DPYD: variants seen among roughly 807,000 people sequenced by gnomAD.
DPYD encodes dihydropyrimidine dehydrogenase [NADP(+)].
DPYD carries 109 observed loss-of-function variants against 116.2 expected under a neutral mutation model. The observed-to-expected ratio is 0.94, with a 90% CI of 0.80 to 1.10. The LOEUF is 1.10. Ranked by LOEUF, DPYD falls within the 50% of genes least tolerant of loss-of-function variation. The pLI is 0.00. For missense variants in DPYD, 1,302 were observed against 1,254.5 expected, an observed-to-expected ratio of 1.04 and a Z score of -0.57; for synonymous variants, 440 against 432.0, an observed-to-expected ratio of 1.02 and a Z score of -0.23.
Position 97,333,352 on chromosome 1 carries a change from G to A in DPYD, c.2059-27055C>T, listed in dbSNP as rs187039548. Among the ~76,000 whole-genome samples the A allele has an allele frequency of 4.9e-4, 74 of 151,866 alleles. 1 individual carries two copies. Among genetic ancestry groups the A allele is most frequent in the African/African-American group, 1.6e-3 (65 of 41,432 alleles). ...TGCTTCTTTATAATGATGCACATTC[G>A]GTCTATTCCTGTAGTCTCTGAGCTA... On this transcript the variant is annotated intron_variant, in intron 16 of 22. Coordinates refer to ENST00000370192, the MANE Select transcript of DPYD (RefSeq NM_000110.4).
intron 3 of DPYD, among the ~76,000 whole-genome samples, chr1:97,824,394 T>C (rs1488367934): frequency 6.6e-6 from 1 of 152,162 alleles, no homozygotes; most frequent in Non-Finnish European, 1.5e-5. Flanking sequence ...AAGTGTCATA[T>C]TAGCAACACA....
At chr1:97,502,754 A>G (rs1679662978) in intron 13 of DPYD, among the ~76,000 whole-genome samples, 1 of 152,092 alleles carries the variant, frequency 6.6e-6, no homozygotes, top group African/African-American at 2.4e-5. Flanking sequence ...ATAACTATTA[A>G]TGTTTTAGTC....
At chr1:97,790,269 A>C (rs1667248254) in intron 3 of DPYD, among the ~76,000 whole-genome samples, 1 of 152,210 alleles carries the variant, frequency 6.6e-6, no homozygotes. Flanking sequence ...GCTGACTTCA[A>C]GATCACGTGC....
At chr1:97,657,126 C>T (rs1301181454) in intron 8 of DPYD, among the ~76,000 whole-genome samples, 2 of 151,926 alleles carry the variant, frequency 1.3e-5, no homozygotes, top group Non-Finnish European at 2.9e-5. Context: ...AGCCACTGCA[C>T]CCAGCTAATA....
chr1:97,432,870 C>G (rs1184101664), intron 14 of DPYD, among the ~76,000 whole-genome samples: 1 of 152,136 alleles, frequency 6.6e-6, no homozygotes, highest in African/African-American at 2.4e-5. Flanking sequence ...AGAGCAGAAC[C>G]TTCTCTTCAG....
intron 20 of DPYD, among the ~76,000 whole-genome samples, chr1:97,112,246 T>G (rs886703555): frequency 2.6e-5 from 4 of 152,106 alleles, no homozygotes; most frequent in African/African-American, 9.7e-5. Flanking sequence ...GCAAACCATT[T>G]CTCCAGCATT....
At chr1:97,287,109 G>A (rs1374987238) in intron 18 of DPYD, among the ~76,000 whole-genome samples, 1 of 152,092 alleles carries the variant, frequency 6.6e-6, no homozygotes, top group East Asian at 1.9e-4. Flanking sequence ...TTTTTGGTGT[G>A]GATGTCCTTT....
At chr1:97,319,320 T>C (rs1328372117) in intron 16 of DPYD, among the ~76,000 whole-genome samples, 4 of 150,484 alleles carry the variant, frequency 2.7e-5, no homozygotes, top group Non-Finnish European at 3.0e-5. Flanking sequence ...ATCAACAAAA[T>C]TGATAGACTG....
At chr1:97,526,970 G>A (rs1419738764) in intron 12 of DPYD, among the ~76,000 whole-genome samples, 1 of 152,130 alleles carries the variant, frequency 6.6e-6, no homozygotes, top group Non-Finnish European at 1.5e-5. Context: ...TGAGGAAAGT[G>A]AGGCCCAAAG....
chr1:97,835,944 G>T (rs927524178), intron 2 of DPYD, among the ~76,000 whole-genome samples: 7 of 152,050 alleles, frequency 4.6e-5, no homozygotes, highest in African/African-American at 1.4e-4. Context: ...TGAACAATCT[G>T]ACCCATCTCC....
intron 18 of DPYD, among the ~76,000 whole-genome samples, chr1:97,253,531 C>T (rs747638943): frequency 6.6e-6 from 1 of 152,046 alleles, no homozygotes; most frequent in East Asian, 1.9e-4. Context: ...CTTTAATTTC[C>T]CTTCTCGTGG....
At chr1:97,087,469 C>T (rs151103019) in intron 21 of DPYD, among the ~76,000 whole-genome samples, 190 of 152,184 alleles carry the variant, frequency 1.2e-3, no homozygotes, top group Non-Finnish European at 2.1e-3. Context: ...ATTAGATTGG[C>T]CGGCGAGGGT....
intron 3 of DPYD, among the ~76,000 whole-genome samples, chr1:97,766,949 G>C (rs915614698): frequency 6.6e-6 from 1 of 152,156 alleles, no homozygotes; most frequent in Non-Finnish European, 1.5e-5. Context: ...ATAGAGGGTA[G>C]AGCAAAAGGG....
chr1:97,761,988 GAC>G (rs1665600362), intron 3 of DPYD, among the ~76,000 whole-genome samples: 1 of 152,038 alleles, frequency 6.6e-6, no homozygotes, highest in Non-Finnish European at 1.5e-5. Flanking sequence ...GGAACACAAG[GAC>G]ACTAGGGCCC....
chr1:97,295,313 A>C (rs1318947368), intron 18 of DPYD: 1 of 152,214 alleles, frequency 6.6e-6, no homozygotes, highest in East Asian at 1.9e-4. Context: ...TTGAATAGCC[A>C]GTGCTGCTGA....
chr1:97,208,049 A>C (rs1298786289), intron 19 of DPYD, among the ~76,000 whole-genome samples: 1 of 152,174 alleles, frequency 6.6e-6, no homozygotes, highest in African/African-American at 2.4e-5. Flanking sequence ...GCACATGCCC[A>C]GTAAAGGCCT....
intron 13 of DPYD, among the ~76,000 whole-genome samples, chr1:97,487,412 A>G (rs777661720): frequency 6.6e-5 from 10 of 152,190 alleles, no homozygotes; most frequent in African/African-American, 1.2e-4. Flanking sequence ...GGTGGCTCAC[A>G]TCTGTAATCC....
intron 20 of DPYD, among the ~76,000 whole-genome samples, chr1:97,114,352 T>A (rs1651813364): frequency 6.6e-6 from 1 of 152,142 alleles, no homozygotes; most frequent in African/African-American, 2.4e-5. Flanking sequence ...ATTTTTTAGG[T>A]TAAAGACTAT....
intron 20 of DPYD, among the ~76,000 whole-genome samples, chr1:97,138,173 T>G (rs1280988859): frequency 6.6e-6 from 1 of 152,150 alleles, no homozygotes; most frequent in Non-Finnish European, 1.5e-5. Context: ...GGATGCACAC[T>G]GAACCTGGCC....
Sources: allele counts gnomAD v4.1 joint callset (sites outside exome capture counted in the v4.1 genomes callset), GRCh38; gene constraint gnomAD v4.1.1; transcripts MANE v1.5; gene names NCBI Gene and HGNC (gene_info 2026-07-23, HGNC 2026-07-21).